The following WWOX variants were observed in gnomAD, a reference collection of about 807,000 sequenced individuals.
WWOX encodes WW domain-containing oxidoreductase.
In WWOX, 69 loss-of-function variants were observed where a neutral mutation model predicts 46.2. The observed-to-expected ratio is 1.49, with a 90% CI of 1.23 to 1.82. The LOEUF (loss-of-function observed/expected upper bound fraction) is 1.82. Ranked by LOEUF, WWOX falls within the 40% of genes most tolerant of loss-of-function variation. WWOX has a pLI of 0.00. For missense variants in WWOX, 919 were observed against 542.6 expected (o/e 1.69, Z -6.89); for synonymous variants, 359 against 202.6 (o/e 1.77, Z -6.56).
At chr16:79,061,997 C>T (rs1045037144) in intron 8 of WWOX, among the ~76,000 whole-genome samples, 2 of 152,178 alleles carry the variant, frequency 1.3e-5, no homozygotes, top group African/African-American at 4.8e-5. Context: ...CAGCCCCTCC[C>T]CACCTTAGAA....
chr16:78,681,571 A>C (rs538909264), intron 8 of WWOX, among the ~76,000 whole-genome samples: 1 of 151,152 alleles, frequency 6.6e-6, no homozygotes, highest in Non-Finnish European at 1.5e-5. Flanking sequence ...GAAAAAGGGA[A>C]GAAGCAAAGG....
chr16:79,192,528 T>C (rs1230357642), intron 8 of WWOX, among the ~76,000 whole-genome samples: 1 of 152,174 alleles, frequency 6.6e-6, no homozygotes, highest in Non-Finnish European at 1.5e-5. Context: ...AGATGTGAGG[T>C]TGTACCTGGT....
chr16:78,811,492 CCT>C (rs2051187057), intron 8 of WWOX, among the ~76,000 whole-genome samples: 1 of 151,568 alleles, frequency 6.6e-6, no homozygotes, highest in Non-Finnish European at 1.5e-5. Flanking sequence ...TCTCTCCCTC[CCT>C]CTTTCTTTTC....
intron 5 of WWOX, chr16:78,270,481 T>A (rs1283469264): frequency 6.6e-6 from 1 of 152,230 alleles, no homozygotes; most frequent in Non-Finnish European, 1.5e-5. Context: ...GACTGAAACG[T>A]ACTATGAGCA....
intron 8 of WWOX, among the ~76,000 whole-genome samples, chr16:78,911,438 G>T (rs898336211): frequency 1.7e-4 from 26 of 152,108 alleles, no homozygotes; most frequent in Non-Finnish European, 3.5e-4. Flanking sequence ...CTTTTGTGGA[G>T]ACATTAAAGT....
At chr16:78,611,326 A>T (rs536635196) in intron 8 of WWOX, among the ~76,000 whole-genome samples, 1 of 152,224 alleles carries the variant, frequency 6.6e-6, no homozygotes, top group African/African-American at 2.4e-5. Flanking sequence ...ACGCAATTAG[A>T]TAATACAAAA....
intron 8 of WWOX, among the ~76,000 whole-genome samples, chr16:78,984,832 A>T (rs1242600423): frequency 6.6e-6 from 1 of 152,158 alleles, no homozygotes; most frequent in Non-Finnish European, 1.5e-5. Context: ...CAGGGGATGT[A>T]ACAGAAAGGA....
rs370328726 is a variant in WWOX, at chr16:78,337,155, T to C, written c.517-49705T>C. ...ACTCTGCAGTTCAAAGAAAACATGTTTGTGGTAGGTAGCCAGTTTATAACC... is the reference window on the plus strand; with the variant it reads ...ACTCTGCAGTTCAAAGAAAACATGTCTGTGGTAGGTAGCCAGTTTATAACC... On this transcript the variant is annotated intron_variant, in intron 5 of 8. Transcript: ENST00000566780. Among the ~76,000 whole-genome samples, 497 of 152,234 alleles carry C rather than the reference T, an allele frequency of 3.3e-3. 2 individuals carry two copies. The highest frequency in any genetic ancestry group is 0.011 in the African/African-American group (440 of 41,548).
chr16:78,443,875 A>G (rs1458676058), intron 8 of WWOX, among the ~76,000 whole-genome samples: 2 of 151,636 alleles, frequency 1.3e-5, no homozygotes, highest in South Asian at 4.2e-4. Flanking sequence ...ACTTATTTCC[A>G]GTGATTTTTG....
chr16:78,329,235 G>A (rs776367363), intron 5 of WWOX, among the ~76,000 whole-genome samples: 36 of 152,106 alleles, frequency 2.4e-4, no homozygotes, highest in Non-Finnish European at 7.4e-5. Context: ...TGGACTGAAC[G>A]TTTGGTTCTC....
intron 8 of WWOX, among the ~76,000 whole-genome samples, chr16:78,919,611 G>T (rs180882257): frequency 6.7e-6 from 1 of 148,438 alleles, no homozygotes; most frequent in African/African-American, 2.5e-5. Flanking sequence ...TCCGCCTCCC[G>T]GGATCAAGCG....
intron 8 of WWOX, among the ~76,000 whole-genome samples, chr16:78,674,277 T>TG (rs2047536775): frequency 5.6e-5 from 5 of 88,642 alleles, no homozygotes; most frequent in African/African-American, 1.8e-4. Context: ...AACCAGTTCA[T>TG]CTTTTTTTTT....
intron 5 of WWOX, among the ~76,000 whole-genome samples, chr16:78,222,531 C>T (rs1313240960): frequency 6.6e-6 from 1 of 152,116 alleles, no homozygotes; most frequent in Non-Finnish European, 1.5e-5. Context: ...TATTTTGCAG[C>T]CGAGACATCG....
intron 8 of WWOX, among the ~76,000 whole-genome samples, chr16:78,756,300 T>A (rs537952020): frequency 6.6e-6 from 1 of 152,084 alleles, no homozygotes; most frequent in Admixed American, 6.5e-5. Flanking sequence ...AAACTGGGTT[T>A]ATCTAATGTG....
In WWOX at chr16:78,231,847, C is replaced by T. The variant is rs557897687; in HGVS notation, c.516+67558C>T. 8.7e-4 allele frequency among the ~76,000 whole-genome samples: 132 copies of T among 152,202 alleles called. 1 individual carries two copies. Among genetic ancestry groups the T allele is most frequent in the African/African-American group, 2.8e-3 (118 of 41,538 alleles). ...CATTGCACTTCTCTTCAAGTTTGCCCAGATAGTAAGTTCTACTAGACATGT... is the reference window on the plus strand; with the variant it reads ...CATTGCACTTCTCTTCAAGTTTGCCTAGATAGTAAGTTCTACTAGACATGT... On this transcript the variant is annotated intron_variant, in intron 5 of 8. Transcript: ENST00000566780.
chr16:78,211,901 C>T (rs1302264514), intron 5 of WWOX, among the ~76,000 whole-genome samples: 1 of 152,218 alleles, frequency 6.6e-6, no homozygotes, highest in Non-Finnish European at 1.5e-5. Flanking sequence ...TTAACTGCCC[C>T]TACCCTCTCT....
chr16:78,624,966 C>T (rs1429824909), intron 8 of WWOX, among the ~76,000 whole-genome samples: 1 of 152,136 alleles, frequency 6.6e-6, no homozygotes, highest in Non-Finnish European at 1.5e-5. Flanking sequence ...TGGCCCCCTT[C>T]ATATCCTGGT....
At chr16:79,040,014 G>A (rs770078552) in intron 8 of WWOX, among the ~76,000 whole-genome samples, 1 of 152,182 alleles carries the variant, frequency 6.6e-6, no homozygotes, top group African/African-American at 2.4e-5. Context: ...TACACTACCA[G>A]TTGTGTGCCC....
At position 79,078,803 on chromosome 16, in the gene WWOX, G is replaced by A. The variant is rs182469566; in HGVS notation, c.1057-132805G>A. ...TCTCTTGGCCTTTATTTCTCCAAGT[G>A]GTGATAATGAGACCTATCCCTAACG... On this transcript the variant is annotated intron_variant, in intron 8 of 8. Transcript: ENST00000566780. Among the ~76,000 whole-genome samples the A allele has an allele frequency of 2.6e-3, 391 of 152,260 alleles. 4 individuals carry two copies. The highest frequency in any genetic ancestry group is 1.9e-3 in the Admixed American group (29 of 15,304).
Sources: gnomAD v4.1 joint callset for allele counts (sites outside exome capture counted in the v4.1 genomes callset) on GRCh38, gnomAD v4.1.1 for gene constraint, MANE v1.5 for transcripts, NCBI Gene and HGNC (gene_info 2026-07-23, HGNC 2026-07-21) for gene names.